The following LRRC4C variants were observed in gnomAD, a reference collection of about 807,000 sequenced individuals.
LRRC4C encodes leucine rich repeat containing 4C, also known as leucine-rich repeat-containing protein 4C.
LRRC4C carries 5 observed loss-of-function variants against 33.6 expected under a neutral mutation model. That is an observed-to-expected ratio of 0.15 (90% CI 0.08 to 0.31). The LOEUF is 0.31. Ranked by LOEUF, LRRC4C falls within the 10% of genes least tolerant of loss-of-function variation. The pLI is 1.00. For missense variants in LRRC4C, 560 were observed against 796.7 expected (o/e 0.70, Z 3.58); for synonymous variants, 329 against 302.0 (o/e 1.09, Z -0.93).
intron 3 of LRRC4C, among the ~76,000 whole-genome samples, chr11:40,583,419 C>T (rs543919938): frequency 1.3e-5 from 2 of 152,160 alleles, no homozygotes; most frequent in African/African-American, 4.8e-5. Flanking sequence ...GTGCCGCTTT[C>T]CTGCTTTCTG....
At chr11:40,486,326 T>G (rs545681863) in intron 3 of LRRC4C, among the ~76,000 whole-genome samples, 2 of 152,044 alleles carry the variant, frequency 1.3e-5, no homozygotes, top group East Asian at 3.9e-4. Context: ...GGGAAAAAGT[T>G]AAAACATTCA....
chr11:41,339,181 G>A (rs1203136526), intron 1 of LRRC4C, among the ~76,000 whole-genome samples: 1 of 152,086 alleles, frequency 6.6e-6, no homozygotes, highest in Non-Finnish European at 1.5e-5. Context: ...GATATTGCTA[G>A]ATGCTACAGA....
intron 2 of LRRC4C, among the ~76,000 whole-genome samples, chr11:40,733,095 A>C (rs1239130560): frequency 3.5e-5 from 2 of 57,632 alleles, no homozygotes; most frequent in Admixed American, 5.2e-4. Context: ...TTTTTTTTTG[A>C]GATGGAGTCT....
At chr11:40,981,210 T>C (rs575751563) in intron 1 of LRRC4C, among the ~76,000 whole-genome samples, 4 of 152,066 alleles carry the variant, frequency 2.6e-5, no homozygotes, top group Non-Finnish European at 5.9e-5. Context: ...GGTCAGGAGA[T>C]GGAGACCATC....
At chr11:41,360,912 A>G (rs957246528) in intron 1 of LRRC4C, among the ~76,000 whole-genome samples, 2 of 152,162 alleles carry the variant, frequency 1.3e-5, no homozygotes, top group African/African-American at 4.8e-5. Flanking sequence ...AAATTAAAGT[A>G]TTTACTCACA....
At chr11:40,207,158 C>G (rs1297898016) in intron 5 of LRRC4C, among the ~76,000 whole-genome samples, 4 of 152,140 alleles carry the variant, frequency 2.6e-5, no homozygotes, top group Non-Finnish European at 4.4e-5. Flanking sequence ...GTCATTGTAG[C>G]TGAAATGGCA....
chr11:41,063,438 A>T (rs1337451563), intron 1 of LRRC4C, among the ~76,000 whole-genome samples: 1 of 152,198 alleles, frequency 6.6e-6, no homozygotes, highest in Non-Finnish European at 1.5e-5. Flanking sequence ...TAAGAGGCAA[A>T]TAAAGTATAT....
chr11:40,629,874 C>T (rs1963301272), intron 3 of LRRC4C, among the ~76,000 whole-genome samples: 1 of 152,018 alleles, frequency 6.6e-6, no homozygotes, highest in South Asian at 2.1e-4. Context: ...TCTGCATGGA[C>T]ATACAGATAG....
intron 4 of LRRC4C, among the ~76,000 whole-genome samples, chr11:40,258,087 A>T (rs983840092): frequency 6.6e-6 from 1 of 152,174 alleles, no homozygotes; most frequent in Non-Finnish European, 1.5e-5. Flanking sequence ...CTTTTAAAAC[A>T]ACAAAATTCA....
intron 2 of LRRC4C, among the ~76,000 whole-genome samples, chr11:40,730,006 C>T (rs897267198): frequency 6.6e-6 from 1 of 151,556 alleles, no homozygotes; most frequent in Non-Finnish European, 1.5e-5. Flanking sequence ...ATCACAAGAA[C>T]AAAAAACCAA....
intron 3 of LRRC4C, among the ~76,000 whole-genome samples, chr11:40,421,522 C>G (rs1395218375): frequency 6.6e-6 from 1 of 152,166 alleles, no homozygotes; most frequent in Non-Finnish European, 1.5e-5. Context: ...CATGGAGACC[C>G]TTGGTATCCA....
chr11:40,541,731 T>C, intron 3 of LRRC4C, among the ~76,000 whole-genome samples: 1 of 152,210 alleles, frequency 6.6e-6, no homozygotes, highest in East Asian at 1.9e-4. Flanking sequence ...TGATAGACCA[T>C]GACTCACTCA....
At chr11:40,392,233 A>G (rs929445154) in intron 3 of LRRC4C, among the ~76,000 whole-genome samples, 7 of 152,156 alleles carry the variant, frequency 4.6e-5, no homozygotes, top group Non-Finnish European at 1.0e-4. Flanking sequence ...TACTCTAATG[A>G]TGGATACATA....
At chr11:41,258,951 G>T (rs1948889083) in intron 1 of LRRC4C, among the ~76,000 whole-genome samples, 1 of 151,908 alleles carries the variant, frequency 6.6e-6, no homozygotes, top group South Asian at 2.1e-4. Context: ...TTTTGCTGGG[G>T]GTTGTAAATT....
At position 40,331,220 on chromosome 11, in the gene LRRC4C, A is replaced by C. The variant is rs536040463; in HGVS notation, c.-269-11499T>G. ...ACAGCCATTATGGAAAACAGTATGG[A>C]GGTTTCTCCAAAAGCTAAAAATAGA... On this transcript the variant is annotated intron_variant, in intron 3 of 6. Coordinates refer to ENST00000528697, the MANE Select transcript of LRRC4C (RefSeq NM_001258419.2). Among the ~76,000 whole-genome samples the C allele has an allele frequency of 6.6e-5, 10 of 152,290 alleles. No individual in the cohort carries two copies. In the East Asian group the frequency reaches 1.5e-3, roughly 24 times the overall value.
chr11:40,986,333 C>T (rs1305829077), intron 1 of LRRC4C, among the ~76,000 whole-genome samples: 1 of 152,082 alleles, frequency 6.6e-6, no homozygotes, highest in Non-Finnish European at 1.5e-5. Flanking sequence ...TGTAGTGGCT[C>T]ACACCTGTAA....
chr11:41,283,877 T>G (rs1398251725), intron 1 of LRRC4C, among the ~76,000 whole-genome samples: 2 of 152,248 alleles, frequency 1.3e-5, no homozygotes, highest in Admixed American at 1.3e-4. Flanking sequence ...TGTGTTTCAA[T>G]TTCCTCAATG....
chr11:40,255,508 TGA>T (rs1401827768), intron 4 of LRRC4C, among the ~76,000 whole-genome samples: 1 of 152,242 alleles, frequency 6.6e-6, no homozygotes, highest in Non-Finnish European at 1.5e-5. Flanking sequence ...TTATAATTTC[TGA>T]GAGAGCTATT....
chr11:41,322,219 CT>C (rs1950979703), intron 1 of LRRC4C, among the ~76,000 whole-genome samples: 1 of 151,624 alleles, frequency 6.6e-6, no homozygotes. Flanking sequence ...CTTCATTCCA[CT>C]TCTGATGAAA....
Sources: allele counts gnomAD v4.1 joint callset (sites outside exome capture counted in the v4.1 genomes callset), GRCh38; gene constraint gnomAD v4.1.1; transcripts MANE v1.5; gene names NCBI Gene and HGNC (gene_info 2026-07-23, HGNC 2026-07-21).